Variants in ASMT observed in about 807,000 individuals in gnomAD.
ASMT encodes the protein acetylserotonin N-methyltransferase.
In ASMT, 53 loss-of-function variants were observed where a neutral mutation model predicts 41.3. That is an observed-to-expected ratio of 1.28 (90% CI 1.03 to 1.61). ASMT has a LOEUF of 1.61. Ranked by LOEUF, ASMT falls within the 40% of genes most tolerant of loss-of-function variation. The probability of loss-of-function intolerance (pLI) is 0.00; values close to 1 mark genes in which losing one functional copy is unlikely to be tolerated. For missense variants in ASMT, 531 were observed against 441.3 expected, an observed-to-expected ratio of 1.20 and a Z score of -1.82; for synonymous variants, 231 against 184.8, an observed-to-expected ratio of 1.25 and a Z score of -2.03.
intron 1 of ASMT, 173 bp downstream of exon 1, chrX:1,615,441 C>A: frequency 4.9e-6 from 1 of 205,212 alleles, no homozygotes; most frequent in Non-Finnish European, 8.6e-6. Context: ...AGGACATGTG[C>A]CCAGGGTGGT....
At chrX:1,642,664 G>T in intron 8 of ASMT, 139 bp from the exon 9 acceptor site, 1 of 770,942 alleles carries the variant, frequency 1.3e-6, no homozygotes, top group Non-Finnish European at 2.3e-6. Flanking sequence ...TGAGGACGTG[G>T]GCACAGCCTC....
chrX:1,635,947 AT>A (rs1402748764), intron 7 of ASMT, among the ~76,000 whole-genome samples: 2 of 151,262 alleles, frequency 1.3e-5, no homozygotes, highest in Non-Finnish European at 2.9e-5. Flanking sequence ...GGCCACACTT[AT>A]TCAGTATTTT....
chrX:1,628,668 C>G (rs1212663071), intron 4 of ASMT, among the ~76,000 whole-genome samples: 3 of 150,342 alleles, frequency 2.0e-5, no homozygotes, highest in African/African-American at 4.9e-5. Context: ...CTCTTTCTCT[C>G]CTTTTCCTTC....
chrX:1,620,093 A>AAAATAAATAAAT (rs767892895), intron 1 of ASMT, among the ~76,000 whole-genome samples: 3 of 151,150 alleles, frequency 2.0e-5, no homozygotes, highest in African/African-American at 7.3e-5. Context: ...ACTCCGTCTC[A>AAAATAAATAAAT]AAATAAATAA....
At chrX:1,632,331 C>T (rs75479285) in intron 5 of ASMT, among the ~76,000 whole-genome samples, 5,686 of 152,048 alleles carry the variant, frequency 0.037, 154 homozygotes, top group Middle Eastern at 0.085. Context: ...ATCACGTCAC[C>T]GTCAAGATTA....
chrX:1,642,443 C>T (rs1252414142), intron 8 of ASMT, among the ~76,000 whole-genome samples: 1 of 139,692 alleles, frequency 7.2e-6, no homozygotes, highest in Non-Finnish European at 1.5e-5. Flanking sequence ...GTAATGAGGA[C>T]AGTGTCCCAG....
Position 1,629,889 on chromosome X carries a change from T to C in ASMT, c.512T>C (p.Val171Ala), listed in dbSNP as rs756146424. ...QEVWSVNGRSVLTAFDLSVFP... is the reference protein window; with the variant it reads ...QEVWSVNGRSALTAFDLSVFP... ...GTCTGGAGCGTCAACGGGAGAAGCG[T>C]GCTGACCGCCTTTGACCTGTCAGTG... Residue 171 changes from valine (V) to alanine (A), a missense_variant, in exon 5 of 9, where the codon GTG becomes GCG. Coordinates refer to ENST00000381241, the MANE Select transcript of ASMT (RefSeq NM_001171038.2). The C allele has an allele frequency of 6.2e-7, 1 of 1,613,994 alleles. No homozygotes were observed. Among genetic ancestry groups the C allele is most frequent in the East Asian group, 2.2e-5 (1 of 44,874 alleles).
Position 1,625,737 on chromosome X carries a change from G to A in ASMT, c.374+1339G>A, listed in dbSNP as rs757429520. Among the ~76,000 whole-genome samples the A allele has an allele frequency of 1.1e-4, 17 of 151,622 alleles. No homozygotes were observed. The South Asian group carries it at 2.7e-3, about 24-fold the overall frequency. ...TGGGAGGCTGAGGCGGGCGGATCACGAGGTCAGGAGATCGAGACCATCCTG... is the reference window on the plus strand; with the variant it reads ...TGGGAGGCTGAGGCGGGCGGATCACAAGGTCAGGAGATCGAGACCATCCTG... On this transcript the variant is annotated intron_variant, in intron 3 of 8. Coordinates refer to ENST00000381241, the MANE Select transcript of ASMT (RefSeq NM_001171038.2).
Position 1,615,245 on chromosome X carries a change from G to A in ASMT, c.46G>A (p.Ala16Thr), listed in dbSNP as rs773588918. ...GGCCTATCGCCTCCTTAATGACTAC[G>A]CCAACGGCTTCATGGTGTCCCAGGT... ...DQAYRLLNDYANGFMVSQVLF... is the reference protein window; with the variant it reads ...DQAYRLLNDYTNGFMVSQVLF... The change falls in exon 1 of 9, where the codon GCC (alanine) becomes ACC (threonine). Residue 16 changes from alanine to threonine, a missense_variant. By Grantham distance (58) the Ala-to-Thr change is moderately conservative. Coordinates refer to ENST00000381241, the MANE Select transcript of ASMT (RefSeq NM_001171038.2). 25 of 1,597,058 alleles carry A rather than the reference G, an allele frequency of 1.6e-5. No individual in the cohort carries two copies. The highest frequency in any genetic ancestry group is 2.7e-5 in the African/African-American group (2 of 74,620).
chrX:1,636,302 C>A, intron 7 of ASMT, 136 bp from the exon 8 acceptor site: 2 of 1,299,720 alleles, frequency 1.5e-6, no homozygotes, highest in Non-Finnish European at 1.1e-6. Flanking sequence ...TTTTCTGAGG[C>A]TAGGTCTGCA....
In ASMT at chrX:1,642,652, G is replaced by A. The variant is rs1253558365; in HGVS notation, c.911-151G>A. On this transcript the variant is annotated intron_variant, in intron 8 of 8. Transcript: ENST00000381241. ...GTGAGGTTCACCCATCCTGATGATC[G>A]ATGAGGACGTGGGCACAGCCTCTGA... is the stretch of plus-strand genomic sequence containing the variant. The A allele has an allele frequency of 1.9e-4, 134 of 713,576 alleles. No homozygotes were observed. In the East Asian group the frequency reaches 3.1e-3, roughly 17 times the overall value. The allele number at this position is 713,576 out of a possible 1,614,324, so 44.2% of individuals were successfully genotyped here.
At chrX:1,620,758 G>A (rs180915084) in intron 1 of ASMT, among the ~76,000 whole-genome samples, 4 of 151,996 alleles carry the variant, frequency 2.6e-5, no homozygotes, top group East Asian at 1.9e-4. Context: ...GCATGGTGGC[G>A]GGCACCTGTA....
Sources: gnomAD v4.1 joint callset for allele counts (sites outside exome capture counted in the v4.1 genomes callset) on GRCh38, gnomAD v4.1.1 for gene constraint, MANE v1.5 for transcripts, NCBI Gene and HGNC (gene_info 2026-07-23, HGNC 2026-07-21) for gene names.